The following FXYD6 variants were observed in gnomAD, a reference collection of about 807,000 sequenced individuals.
FXYD6 encodes FXYD domain containing ion transport regulator 6.
FXYD6 carries 7 observed loss-of-function variants against 16.7 expected under a neutral mutation model. That is an observed-to-expected ratio of 0.42 (90% CI 0.24 to 0.79). The LOEUF (loss-of-function observed/expected upper bound fraction) is 0.79. Ranked by LOEUF, FXYD6 falls within the 30% of genes least tolerant of loss-of-function variation. FXYD6 has a pLI of 0.28. For synonymous variants in FXYD6, 49 were observed against 43.0 expected (o/e 1.14, Z -0.54); for missense variants, 111 against 116.2 (o/e 0.95, Z 0.21).
intron 4 of FXYD6, chr11:117,841,421 G>C: frequency 1.7e-6 from 1 of 597,072 alleles, no homozygotes; most frequent in Non-Finnish European, 3.0e-6. Context: ...TGAGTAAAGA[G>C]GGATCTGTGC....
rs1309834457 is a variant in FXYD6, at chr11:117,858,694, TC to T, written c.-5-15914del. 3.8e-3 allele frequency among the ~76,000 whole-genome samples: 288 copies of T among 76,378 alleles called. 4 individuals carry two copies. The highest frequency in any genetic ancestry group is 0.016 in the African/African-American group (262 of 16,000). 50.1% of individuals were successfully genotyped at this position (76,378 alleles called of 152,430 possible). A position where few individuals can be genotyped will look rare whatever the true frequency, so the allele number is the denominator to read the frequency against. ...TTCTTTCTTTCTTTCTTTCTTTCTT[TC>T]TTTCTTTCTCTCTCTCTCTCCTTCC... On this transcript the variant is annotated intron_variant, in intron 1 of 7. Transcript: ENST00000526014.
intron 1 of FXYD6, chr11:117,869,086 T>A (rs1048125552): frequency 1.3e-5 from 2 of 152,168 alleles, no homozygotes; most frequent in African/African-American, 4.8e-5. Context: ...TAAATGCCCA[T>A]CAAATAAACA....
chr11:117,855,225 T>G (rs187049836), intron 1 of FXYD6, among the ~76,000 whole-genome samples: 293 of 152,316 alleles, frequency 1.9e-3, no homozygotes, highest in Middle Eastern at 3.4e-3. Context: ...CAAGTGACAG[T>G]GTGAAAAGAA....
chr11:117,856,951 G>A (rs2056741743), intron 1 of FXYD6, among the ~76,000 whole-genome samples: 1 of 152,208 alleles, frequency 6.6e-6, no homozygotes, highest in Admixed American at 6.5e-5. Flanking sequence ...GCAGAACAGG[G>A]CTGGCAGAGC....
intron 1 of FXYD6, among the ~76,000 whole-genome samples, chr11:117,846,766 T>C (rs556045349): frequency 1.6e-4 from 24 of 152,332 alleles, no homozygotes; most frequent in African/African-American, 4.1e-4. Context: ...GTTTCAATTA[T>C]GATAGCTTCA....
intron 1 of FXYD6, among the ~76,000 whole-genome samples, chr11:117,876,038 T>A (rs1489586866): frequency 6.6e-6 from 1 of 152,130 alleles, no homozygotes; most frequent in Non-Finnish European, 1.5e-5. Context: ...TGCACTCTCA[T>A]GAATCCCCGA....
chr11:117,864,572 G>T (rs1475035524), intron 1 of FXYD6, among the ~76,000 whole-genome samples: 1 of 150,974 alleles, frequency 6.6e-6, no homozygotes, highest in African/African-American at 2.4e-5. Context: ...GGCAACAAAA[G>T]AAAAAAATAG....
At chr11:117,839,672 C>T (rs2056290600) in intron 7 of FXYD6, 109 bp downstream of exon 7, 1 of 1,323,400 alleles carries the variant, frequency 7.6e-7, no homozygotes, top group Non-Finnish European at 1.1e-6. Context: ...ATAATAAAAG[C>T]TGTGCCCACT....
At chr11:117,858,748 C>A (rs996841852) in intron 1 of FXYD6, among the ~76,000 whole-genome samples, 2 of 128,010 alleles carry the variant, frequency 1.6e-5, no homozygotes, top group African/African-American at 6.2e-5. Flanking sequence ...TTCCTTCCTT[C>A]CTTCCTTCCT....
chr11:117,855,194 T>C (rs1047611954), intron 1 of FXYD6, among the ~76,000 whole-genome samples: 2 of 152,206 alleles, frequency 1.3e-5, no homozygotes, highest in African/African-American at 4.8e-5. Context: ...GCCTTTGTAT[T>C]CTAAAGAAAA....
intron 6 of FXYD6, 153 bp downstream of exon 6, chr11:117,840,166 G>T: frequency 2.2e-6 from 2 of 910,464 alleles, no homozygotes; most frequent in East Asian, 2.5e-5. Context: ...TGGAGTGAGG[G>T]GGCAATGCTG....
chr11:117,863,732 T>C (rs1287305505), intron 1 of FXYD6, among the ~76,000 whole-genome samples: 1 of 152,030 alleles, frequency 6.6e-6, no homozygotes, highest in Non-Finnish European at 1.5e-5. Flanking sequence ...AGATCACACA[T>C]AAAAACTGTA....
intron 1 of FXYD6, among the ~76,000 whole-genome samples, chr11:117,857,847 C>A (rs1035154938): frequency 9.9e-5 from 15 of 152,126 alleles, no homozygotes; most frequent in Admixed American, 5.9e-4. Flanking sequence ...TTTAAGGCCT[C>A]CTTAGCCCTC....
chr11:117,853,343 G>C (rs1387732211), intron 1 of FXYD6, among the ~76,000 whole-genome samples: 2 of 152,188 alleles, frequency 1.3e-5, no homozygotes, highest in Non-Finnish European at 2.9e-5. Flanking sequence ...AGGGTTCTTG[G>C]CTTCATGCAG....
chr11:117,840,971 C>T (rs2056326098), intron 5 of FXYD6, among the ~76,000 whole-genome samples, 177 bp downstream of exon 5: 1 of 152,138 alleles, frequency 6.6e-6, no homozygotes, highest in African/African-American at 2.4e-5. Context: ...TTTGACCTCT[C>T]CTTTGCCCCA....
At chr11:117,849,453 C>A (rs1055537267) in intron 1 of FXYD6, among the ~76,000 whole-genome samples, 10 of 151,942 alleles carry the variant, frequency 6.6e-5, no homozygotes, top group Non-Finnish European at 1.5e-4. Flanking sequence ...TTCATATGTG[C>A]TTGGAAAATT....
chr11:117,839,841 A>T lies in FXYD6; in HGVS notation c.260-11T>A. ...TCTGGGGCTCTGTTGCTGGAAAGAAAACCAGAATGGATTATAGTGTATAGA... is the reference window on the plus strand; with the variant it reads ...TCTGGGGCTCTGTTGCTGGAAAGAATACCAGAATGGATTATAGTGTATAGA... On this transcript the variant is annotated splice_polypyrimidine_tract_variant and intron_variant, in intron 6 of 7. Coordinates refer to ENST00000526014, the MANE Select transcript of FXYD6 (RefSeq NM_022003.4). The T allele has an allele frequency of 1.2e-6, 2 of 1,614,176 alleles. No individual in the cohort carries two copies. Among genetic ancestry groups the T allele is most frequent in the African/African-American group, 2.7e-5 (2 of 75,030 alleles).
chr11:117,857,302 T>G (rs1026273584), intron 1 of FXYD6, among the ~76,000 whole-genome samples: 3 of 152,168 alleles, frequency 2.0e-5, no homozygotes, highest in Non-Finnish European at 2.9e-5. Context: ...GTGAGTTTAG[T>G]GCAGGTGGCT....
At chr11:117,854,344 C>T (rs917331248) in intron 1 of FXYD6, among the ~76,000 whole-genome samples, 1 of 152,220 alleles carries the variant, frequency 6.6e-6, no homozygotes, top group Admixed American at 6.5e-5. Flanking sequence ...TTCCTGCCCC[C>T]TGGGAATAGG....
Sources: allele counts gnomAD v4.1 joint callset (sites outside exome capture counted in the v4.1 genomes callset), GRCh38; gene constraint gnomAD v4.1.1; transcripts MANE v1.5; gene names NCBI Gene and HGNC (gene_info 2026-07-23, HGNC 2026-07-21).